The following TEX14 variants were observed in gnomAD, a reference collection of about 807,000 sequenced individuals.
The protein encoded by TEX14 is inactive serine/threonine-protein kinase TEX14.
A neutral mutation model predicts 178.6 loss-of-function variants in TEX14; 168 were observed. That is an observed-to-expected ratio of 0.94 (90% CI 0.83 to 1.07). TEX14 has a LOEUF of 1.07. Ranked by LOEUF, TEX14 falls within the 50% of genes least tolerant of loss-of-function variation. TEX14 has a pLI of 0.00. For synonymous variants in TEX14, 626 were observed against 634.1 expected (o/e 0.99, Z 0.19); for missense variants, 1,730 against 1,753.6 (o/e 0.99, Z 0.24).
chr17:58,649,610 G>C (rs1391733371), intron 2 of TEX14, among the ~76,000 whole-genome samples: 1 of 151,996 alleles, frequency 6.6e-6, no homozygotes, highest in African/African-American at 2.4e-5. Flanking sequence ...GAGATGTCTA[G>C]GAGATAATAA....
intron 2 of TEX14, among the ~76,000 whole-genome samples, chr17:58,638,878 T>TTG (rs1567752044): frequency 9.7e-5 from 12 of 123,402 alleles, no homozygotes; most frequent in South Asian, 3.2e-4. Flanking sequence ...TTTTTTTTTT[T>TTG]GGGGAGACGG....
At chr17:58,567,312 C>T (rs1340579872) in intron 26 of TEX14, among the ~76,000 whole-genome samples, 4 of 152,130 alleles carry the variant, frequency 2.6e-5, no homozygotes, top group African/African-American at 7.2e-5. Context: ...ATAGACAAGC[C>T]ACCCTGAGCT....
At chr17:58,666,333 G>C (rs993193515) in intron 1 of TEX14, among the ~76,000 whole-genome samples, 3 of 151,614 alleles carry the variant, frequency 2.0e-5, no homozygotes, top group African/African-American at 7.3e-5. Flanking sequence ...GGAAAATAGA[G>C]CAAGACTGTG....
intron 10 of TEX14, among the ~76,000 whole-genome samples, chr17:58,608,756 T>C (rs1289392432): frequency 6.6e-6 from 1 of 152,228 alleles, no homozygotes; most frequent in Non-Finnish European, 1.5e-5. Context: ...CAGTATAGAC[T>C]TCACAGAGAG....
intron 1 of TEX14, among the ~76,000 whole-genome samples, chr17:58,678,188 T>C (rs1401714846): frequency 1.3e-5 from 2 of 152,108 alleles, no homozygotes; most frequent in East Asian, 1.9e-4. Flanking sequence ...ATGTGATTGA[T>C]TTAAGATGAA....
intron 14 of TEX14, among the ~76,000 whole-genome samples, chr17:58,597,468 C>T (rs1457937243): frequency 5.3e-5 from 8 of 152,042 alleles, no homozygotes; most frequent in Non-Finnish European, 1.5e-5. Flanking sequence ...AAAACAGTAA[C>T]AAAACCCAGT....
intron 1 of TEX14, among the ~76,000 whole-genome samples, chr17:58,656,562 T>C (rs2046966448): frequency 6.6e-6 from 1 of 151,884 alleles, no homozygotes. Context: ...GAGACCAGCC[T>C]GACCAACATG....
At chr17:58,589,644 A>G (rs2045075537) in intron 15 of TEX14, among the ~76,000 whole-genome samples, 1 of 147,602 alleles carries the variant, frequency 6.8e-6, no homozygotes, top group Non-Finnish European at 1.5e-5. Flanking sequence ...CAGCTGGACC[A>G]GAAAGCAGAG....
At chr17:58,653,136 C>A (rs1034250973) in intron 1 of TEX14, among the ~76,000 whole-genome samples, 1 of 152,098 alleles carries the variant, frequency 6.6e-6, no homozygotes, top group African/African-American at 2.4e-5. Context: ...CGAGGTTTCA[C>A]CATGTTGGAC....
chr17:58,570,550 G>T, intron 24 of TEX14, 66 bp from the exon 25 acceptor site: 3 of 1,008,006 alleles, frequency 3.0e-6, no homozygotes, highest in Non-Finnish European at 1.4e-6. Context: ...ATGCAGCTCA[G>T]TCATTTCCAG....
chr17:58,654,727 A>G lies in TEX14; in HGVS notation c.-1-2725T>C, dbSNP rs190903671. 4.8e-4 allele frequency among the ~76,000 whole-genome samples: 73 copies of G among 151,868 alleles called. No individual in the cohort carries two copies. The Middle Eastern group carries it at 0.01, about 21-fold the overall frequency. On this transcript the variant is annotated intron_variant, in intron 1 of 31. Transcript: ENST00000349033. ...TCACCATGTTGGCCAGGGTGGTCTC[A>G]AACTTCTGACCTCAGGTGATCTGCC...
rs2045009878 is a variant in TEX14, at chr17:58,587,668, T to C, written c.2703-2A>G. 7 of 1,598,228 alleles carry C rather than the reference T, an allele frequency of 4.4e-6. No homozygotes were observed. The highest frequency in any genetic ancestry group is 4.5e-5 in the East Asian group (2 of 44,812). ...GAAGAAACAGGTTCCACACTCATCC[T>C]GAATTGCACGGGTTTTTTGGAGGTA... On this transcript the variant is annotated splice_acceptor_variant, in intron 16 of 31. Transcript: ENST00000349033. LOFTEE classifies it high-confidence loss of function.
chr17:58,614,382 C>G (rs1343561393), intron 8 of TEX14, among the ~76,000 whole-genome samples: 1 of 152,170 alleles, frequency 6.6e-6, no homozygotes, highest in East Asian at 1.9e-4. Flanking sequence ...CCCAGCTACT[C>G]AGGAGGCTGA....
At chr17:58,634,078 A>G (rs2046381065) in intron 2 of TEX14, among the ~76,000 whole-genome samples, 1 of 152,128 alleles carries the variant, frequency 6.6e-6, no homozygotes, top group African/African-American at 2.4e-5. Flanking sequence ...AGTTTCAAAA[A>G]GAAGGATCAG....
At chr17:58,626,871 A>T (rs1211214490) in intron 3 of TEX14, among the ~76,000 whole-genome samples, 3 of 152,148 alleles carry the variant, frequency 2.0e-5, no homozygotes, top group Non-Finnish European at 4.4e-5. Context: ...CTTCATCAAA[A>T]ACAAAAAAAG....
intron 1 of TEX14, among the ~76,000 whole-genome samples, chr17:58,676,394 C>CA (rs558062877): frequency 0.022 from 3,253 of 144,942 alleles, 37 homozygotes; most frequent in South Asian, 0.032. Context: ...ACCAAAAAAA[C>CA]AAAAAAAAAC....
At chr17:58,661,206 T>G (rs1442398557) in intron 1 of TEX14, 1 of 798,598 alleles carries the variant, frequency 1.3e-6, no homozygotes, top group South Asian at 1.3e-5. Flanking sequence ...GAGTTGGTCT[T>G]GGTTTGGGGC....
chr17:58,644,734 C>G (rs965883660), intron 2 of TEX14, among the ~76,000 whole-genome samples: 10 of 150,014 alleles, frequency 6.7e-5, no homozygotes, highest in South Asian at 6.3e-4. Context: ...CTCCGCCCCC[C>G]CTGGTTCAAG....
At chr17:58,680,908 A>T (rs569790679) in intron 1 of TEX14, among the ~76,000 whole-genome samples, 1 of 152,288 alleles carries the variant, frequency 6.6e-6, no homozygotes, top group African/African-American at 2.4e-5. Flanking sequence ...AATTAGCCAG[A>T]GTTTATAACT....
Sources: gnomAD v4.1 joint callset for allele counts (sites outside exome capture counted in the v4.1 genomes callset) on GRCh38, gnomAD v4.1.1 for gene constraint, MANE v1.5 for transcripts, NCBI Gene and HGNC (gene_info 2026-07-23, HGNC 2026-07-21) for gene names.